KIF6: variants seen among roughly 807,000 people sequenced by gnomAD.
KIF6 encodes the protein kinesin family member 6.
A neutral mutation model predicts 112.7 loss-of-function variants in KIF6; 106 were observed. That is an observed-to-expected ratio of 0.94 (90% CI 0.80 to 1.11). The LOEUF (loss-of-function observed/expected upper bound fraction) is 1.11, where lower values mean the gene tolerates loss of function less well. Ranked by LOEUF, KIF6 falls within the 50% of genes least tolerant of loss-of-function variation. KIF6 has a pLI of 0.00. For missense variants in KIF6, 929 were observed against 964.0 expected, an observed-to-expected ratio of 0.96 and a Z score of 0.48; for synonymous variants, 339 against 339.9, an observed-to-expected ratio of 1.00 and a Z score of 0.03.
Position 39,435,102 on chromosome 6 carries a change from T to C in KIF6, c.1646-3941A>G, listed in dbSNP as rs564589153. Among the ~76,000 whole-genome samples the C allele has an allele frequency of 2.8e-4, 42 of 152,254 alleles. No homozygotes were observed. The South Asian group carries it at 8.3e-3, about 30-fold the overall frequency. On this transcript the variant is annotated intron_variant, in intron 13 of 22. Coordinates refer to ENST00000287152, the MANE Select transcript of KIF6 (RefSeq NM_145027.6). Reference sequence around the variant, plus strand: ...AATGCCCAGCTTTTAGAGGCAGTCATTGCGGCTCTTAGATCAGTTTTTCCA... The same window carrying C: ...AATGCCCAGCTTTTAGAGGCAGTCACTGCGGCTCTTAGATCAGTTTTTCCA...
At chr6:39,433,542 G>T (rs17430640) in intron 13 of KIF6, among the ~76,000 whole-genome samples, 3,428 of 152,326 alleles carry the variant, frequency 0.023, 68 homozygotes, top group Non-Finnish European at 0.029. Context: ...TTATCATCAG[G>T]AACATAACCT....
intron 13 of KIF6, among the ~76,000 whole-genome samples, chr6:39,498,018 T>A (rs1167993400): frequency 6.6e-6 from 1 of 152,174 alleles, no homozygotes; most frequent in Non-Finnish European, 1.5e-5. Context: ...TTAGGTTGCA[T>A]CAAAATCATA....
intron 2 of KIF6, among the ~76,000 whole-genome samples, chr6:39,719,148 G>T (rs1323710302): frequency 6.6e-6 from 1 of 152,072 alleles, no homozygotes; most frequent in Non-Finnish European, 1.5e-5. Flanking sequence ...GTGAAACCCT[G>T]TCTCTACTAA....
chr6:39,381,225 C>T (rs1388778884), intron 16 of KIF6, among the ~76,000 whole-genome samples: 2 of 152,132 alleles, frequency 1.3e-5, no homozygotes. Flanking sequence ...TGCTCATCAC[C>T]CTTCCCCACG....
At chr6:39,391,468 A>G (rs575203688) in intron 15 of KIF6, among the ~76,000 whole-genome samples, 55 of 152,332 alleles carry the variant, frequency 3.6e-4, no homozygotes, top group Non-Finnish European at 7.3e-4. Flanking sequence ...GCCCCTCTCC[A>G]GCTGCTAAGC....
intron 13 of KIF6, among the ~76,000 whole-genome samples, chr6:39,492,336 A>C (rs975674421): frequency 1.3e-5 from 2 of 152,256 alleles, no homozygotes; most frequent in African/African-American, 4.8e-5. Flanking sequence ...GGAAGCCCAT[A>C]CATTTTCTAA....
At chr6:39,482,054 C>T (rs949957174) in intron 13 of KIF6, among the ~76,000 whole-genome samples, 7 of 151,564 alleles carry the variant, frequency 4.6e-5, no homozygotes, top group African/African-American at 1.5e-4. Flanking sequence ...CACTGGGACC[C>T]GTGGGAGGCA....
In KIF6 at chr6:39,593,488, C is replaced by T. The variant is rs1254875620; in HGVS notation, c.846+2566G>A. 4.6e-5 allele frequency among the ~76,000 whole-genome samples: 7 copies of T among 152,160 alleles called. No homozygotes were observed. In the East Asian group the frequency reaches 1.3e-3, roughly 29 times the overall value. ...TCTCCATGTTCACAGATGAGTTTTT[C>T]CATATTTATGTTCTTTCCTCTCCCA... On this transcript the variant is annotated intron_variant, in intron 7 of 22. Transcript: ENST00000287152.
intron 22 of KIF6, among the ~76,000 whole-genome samples, chr6:39,337,546 T>C (rs1255325821): frequency 6.6e-6 from 1 of 151,536 alleles, no homozygotes; most frequent in Non-Finnish European, 1.5e-5. Context: ...TTCCTGAGCT[T>C]AAGTGATCCT....
chr6:39,583,674 C>CTTTT lies in KIF6; in HGVS notation c.1077+1220_1077+1223dup, dbSNP rs564229262. On this transcript the variant is annotated intron_variant, in intron 9 of 22. Transcript: ENST00000287152. ...AAACACTGTTGGTAGGATTTCACTTCTTTTTTTTTTTTTTTTTTTTTTTTT... is the reference window on the plus strand; with the variant it reads ...AAACACTGTTGGTAGGATTTCACTTCTTTTTTTTTTTTTTTTTTTTTTTTTTTTT... 1.4e-4 allele frequency among the ~76,000 whole-genome samples: 10 copies of CTTTT among 71,688 alleles called. 2 individuals are homozygous for CTTTT. In the East Asian group the frequency reaches 1.8e-3, roughly 13 times the overall value. 47.0% of individuals were successfully genotyped at this position (71,688 alleles called of 152,430 possible).
chr6:39,717,864 C>A lies in KIF6; in HGVS notation c.176+2838G>T, dbSNP rs192162177. On this transcript the variant is annotated intron_variant, in intron 2 of 22. Coordinates refer to ENST00000287152, the MANE Select transcript of KIF6 (RefSeq NM_145027.6). Reference sequence around the variant, plus strand: ...TTTTGAATATTAAAACCATTATTTTCAATTCAGAGATTTAAAAATAAGCCA... The same window carrying A: ...TTTTGAATATTAAAACCATTATTTTAAATTCAGAGATTTAAAAATAAGCCA... 1.6e-4 allele frequency among the ~76,000 whole-genome samples: 25 copies of A among 152,166 alleles called. No individual in the cohort carries two copies. The East Asian group carries it at 4.1e-3, about 25-fold the overall frequency.
chr6:39,455,431 A>C lies in KIF6; in HGVS notation c.1646-24270T>G, dbSNP rs1287633963. ...CACAAAGATGGGGAAAAAACAGAAC[A>C]GAAAAACTGGAAACTCTAAAACGCA... On this transcript the variant is annotated intron_variant, in intron 13 of 22. Transcript: ENST00000287152. Among the ~76,000 whole-genome samples, 6 of 152,022 alleles carry C rather than the reference A, an allele frequency of 3.9e-5. No individual in the cohort carries two copies. The East Asian group carries it at 1.2e-3, about 30-fold the overall frequency.
intron 6 of KIF6, among the ~76,000 whole-genome samples, chr6:39,609,386 T>A (rs995360326): frequency 2.0e-5 from 3 of 152,178 alleles, no homozygotes; most frequent in African/African-American, 7.2e-5. Context: ...AGCATATTAT[T>A]GCTCCAGAAT....
chr6:39,641,297 T>C (rs1161664880), intron 3 of KIF6, among the ~76,000 whole-genome samples: 1 of 152,066 alleles, frequency 6.6e-6, no homozygotes, highest in Non-Finnish European at 1.5e-5. Flanking sequence ...AAAAACACCA[T>C]GGAATACTCT....
At chr6:39,380,555 G>A (rs185333652) in intron 16 of KIF6, among the ~76,000 whole-genome samples, 56 of 151,440 alleles carry the variant, frequency 3.7e-4, no homozygotes, top group East Asian at 7.8e-4. Context: ...ACATGCACGC[G>A]CACACACACA....
intron 10 of KIF6, among the ~76,000 whole-genome samples, chr6:39,563,230 G>A (rs539540821): frequency 1.3e-5 from 2 of 152,168 alleles, no homozygotes; most frequent in African/African-American, 4.8e-5. Flanking sequence ...AGTGAGGGAG[G>A]CCCTGCTGCA....
chr6:39,626,193 T>C (rs1784085414), intron 5 of KIF6, among the ~76,000 whole-genome samples: 1 of 152,154 alleles, frequency 6.6e-6, no homozygotes, highest in African/African-American at 2.4e-5. Context: ...TGTCACTTAC[T>C]ATGCACAACT....
intron 13 of KIF6, among the ~76,000 whole-genome samples, chr6:39,470,161 T>C (rs1397712442): frequency 6.6e-6 from 1 of 151,916 alleles, no homozygotes; most frequent in Non-Finnish European, 1.5e-5. Context: ...GAGCAGAGAA[T>C]AGGGGAGGGT....
At chr6:39,559,723 G>A (rs942161804) in intron 10 of KIF6, among the ~76,000 whole-genome samples, 1 of 151,678 alleles carries the variant, frequency 6.6e-6, no homozygotes, top group East Asian at 1.9e-4. Context: ...TTGTCAACCA[G>A]GTGTTGGTTA....
Sources: gnomAD v4.1 joint callset for allele counts (sites outside exome capture counted in the v4.1 genomes callset) on GRCh38, gnomAD v4.1.1 for gene constraint, MANE v1.5 for transcripts, NCBI Gene and HGNC (gene_info 2026-07-23, HGNC 2026-07-21) for gene names.